The following APP variants were observed in gnomAD, a reference collection of about 807,000 sequenced individuals.
APP encodes the protein amyloid beta precursor protein.
Under a neutral mutation model 101.4 loss-of-function variants are expected in APP, and 31 were observed. That is an observed-to-expected ratio of 0.31 (90% CI 0.23 to 0.41). APP has a LOEUF of 0.41. Among genes scored for constraint, APP ranks in the 10% least tolerant of loss-of-function variants. APP has a pLI of 1.00. For missense variants in APP, 839 were observed against 1,003.7 expected (o/e 0.84, Z 2.22); for synonymous variants, 366 against 364.4 (o/e 1.00, Z -0.05).
In APP at chr21:26,129,320, A is replaced by T. The variant is rs374512790; in HGVS notation, c.58-17174T>A. Among the ~76,000 whole-genome samples the T allele has an allele frequency of 4.4e-4, 67 of 152,084 alleles. No homozygotes were observed. In the South Asian group the frequency reaches 0.013, roughly 30 times the overall value. ...ACCCCGTCTCTACTAAAAATACAAAAATTAGCCATGCGTGGTGGCAGCTGC... is the reference window on the plus strand; with the variant it reads ...ACCCCGTCTCTACTAAAAATACAAATATTAGCCATGCGTGGTGGCAGCTGC... On this transcript the variant is annotated intron_variant, in intron 1 of 17. Coordinates refer to ENST00000346798, the MANE Select transcript of APP (RefSeq NM_000484.4).
chr21:25,987,997 A>C (rs1300491107), intron 8 of APP, among the ~76,000 whole-genome samples: 6 of 152,228 alleles, frequency 3.9e-5, no homozygotes, highest in Non-Finnish European at 8.8e-5. Context: ...GGAAAAAGAA[A>C]AACAGAGCAG....
At chr21:26,041,219 A>AT (rs990636126) in intron 5 of APP, among the ~76,000 whole-genome samples, 7 of 152,350 alleles carry the variant, frequency 4.6e-5, no homozygotes, top group Admixed American at 1.3e-4. Context: ...ATATGCTAAT[A>AT]TGTAGATTTT....
chr21:26,113,065 A>C (rs917734012), intron 1 of APP, among the ~76,000 whole-genome samples: 2 of 152,156 alleles, frequency 1.3e-5, no homozygotes, highest in Non-Finnish European at 2.9e-5. Context: ...CTCAAAAAGA[A>C]AAAAAAATTC....
At chr21:25,958,587 C>A (rs1334386305) in intron 11 of APP, among the ~76,000 whole-genome samples, 1 of 151,902 alleles carries the variant, frequency 6.6e-6, no homozygotes, top group Non-Finnish European at 1.5e-5. Context: ...ATTAATTATT[C>A]ATGTTAACAT....
chr21:25,882,322 G>T (rs942759701), intron 17 of APP, among the ~76,000 whole-genome samples: 2 of 150,196 alleles, frequency 1.3e-5, no homozygotes, highest in Admixed American at 1.3e-4. Flanking sequence ...AGAGGTTTGA[G>T]AATCAATTAA....
chr21:26,052,537 G>C (rs1182119466), intron 4 of APP, among the ~76,000 whole-genome samples: 1 of 152,240 alleles, frequency 6.6e-6, no homozygotes, highest in Non-Finnish European at 1.5e-5. Context: ...TTACCACACA[G>C]TGACCTTTTC....
At chr21:26,040,294 T>C (rs1254858979) in intron 5 of APP, among the ~76,000 whole-genome samples, 1 of 152,112 alleles carries the variant, frequency 6.6e-6, no homozygotes, top group African/African-American at 2.4e-5. Flanking sequence ...ATAAACCGCA[T>C]TTCTTTAAAA....
At chr21:26,150,514 T>C (rs2063244137) in intron 1 of APP, among the ~76,000 whole-genome samples, 1 of 152,204 alleles carries the variant, frequency 6.6e-6, no homozygotes, top group Non-Finnish European at 1.5e-5. Flanking sequence ...CCTTCCAGAC[T>C]GTGTCTCTAT....
chr21:25,998,392 A>G lies in APP; in HGVS notation c.1034-976T>C, dbSNP rs74544986. Among the ~76,000 whole-genome samples, 47 of 95,818 alleles carry G rather than the reference A, an allele frequency of 4.9e-4. 1 individual carries two copies. In the South Asian group the frequency reaches 0.016, roughly 32 times the overall value. 62.9% of individuals were successfully genotyped at this position (95,818 alleles called of 152,430 possible). Reference sequence around the variant, plus strand: ...CTGCAATCATCCAATCAGAGCCAGAAAAAAAAAAAAAAAAAGCCCTTGAGG... The same window carrying G: ...CTGCAATCATCCAATCAGAGCCAGAGAAAAAAAAAAAAAAAGCCCTTGAGG... On this transcript the variant is annotated intron_variant, in intron 7 of 17. Coordinates refer to ENST00000346798, the MANE Select transcript of APP (RefSeq NM_000484.4).
intron 5 of APP, among the ~76,000 whole-genome samples, chr21:26,022,266 C>T (rs1287082712): frequency 6.6e-6 from 1 of 152,102 alleles, no homozygotes; most frequent in Admixed American, 6.5e-5. Flanking sequence ...TGCCATGAGT[C>T]TAACCACAGG....
intron 13 of APP, among the ~76,000 whole-genome samples, chr21:25,933,633 T>G (rs997085514): frequency 1.3e-5 from 2 of 152,202 alleles, no homozygotes; most frequent in Non-Finnish European, 2.9e-5. Flanking sequence ...ATGATTCACA[T>G]TATAGAGCAT....
At chr21:26,058,813 G>A (rs889004005) in intron 3 of APP, among the ~76,000 whole-genome samples, 5 of 152,174 alleles carry the variant, frequency 3.3e-5, no homozygotes, top group Admixed American at 3.3e-4. Flanking sequence ...CGGGCGCGGT[G>A]GCTCACGCCT....
Position 25,911,811 on chromosome 21 carries a change from G to A in APP, c.1839C>T (p.Phe613=). ...TVELLPVNGE[F]SLDDLQPWHS... Reference sequence around the variant, plus strand: ...GCCACGGCTGGAGATCGTCCAGGCTGAACTCTCCATTCACGGGAAGGAGCT... The same window carrying A: ...GCCACGGCTGGAGATCGTCCAGGCTAAACTCTCCATTCACGGGAAGGAGCT... Residue 613 remains phenylalanine (F), a synonymous_variant, in exon 14 of 18, where the codon TTC becomes TTT. Coordinates refer to ENST00000346798, the MANE Select transcript of APP (RefSeq NM_000484.4). 1.2e-6 allele frequency: 2 copies of A among 1,614,150 alleles called. No individual in the cohort carries two copies. Among genetic ancestry groups the A allele is most frequent in the Non-Finnish European group, 1.7e-6 (2 of 1,180,042 alleles).
At chr21:26,109,166 A>T (rs2062253587) in intron 2 of APP, among the ~76,000 whole-genome samples, 1 of 152,200 alleles carries the variant, frequency 6.6e-6, no homozygotes, top group Non-Finnish European at 1.5e-5. Context: ...GTGGCCACCA[A>T]CAATCTGGTA....
intron 16 of APP, among the ~76,000 whole-genome samples, chr21:25,895,434 G>A (rs915500289): frequency 2.6e-5 from 4 of 152,106 alleles, no homozygotes; most frequent in African/African-American, 9.7e-5. Context: ...AAAGTGCTGG[G>A]ATTACAGGCA....
intron 5 of APP, among the ~76,000 whole-genome samples, chr21:26,035,816 G>C (rs1359665652): frequency 6.6e-6 from 1 of 152,136 alleles, no homozygotes; most frequent in East Asian, 1.9e-4. Flanking sequence ...AGAAACAATG[G>C]GAGTTTAGAT....
At chr21:26,004,533 C>T (rs2146698100) in intron 6 of APP, among the ~76,000 whole-genome samples, 1 of 152,156 alleles carries the variant, frequency 6.6e-6, no homozygotes, top group South Asian at 2.1e-4. Context: ...ACCTCATGAT[C>T]CGCCTGCCTT....
chr21:26,031,536 G>A (rs923036121), intron 5 of APP, among the ~76,000 whole-genome samples: 5 of 152,130 alleles, frequency 3.3e-5, no homozygotes, highest in African/African-American at 1.2e-4. Context: ...GGAGGTGAAA[G>A]GCATTTCTTA....
chr21:26,140,380 C>A lies in APP; in HGVS notation c.58-28234G>T, dbSNP rs2146306639. The stretch of plus-strand genomic sequence containing the variant: ...CCAACTTCTACCACGCACAGCAAGG[C>A]TGTGCTATTTAGGCGTGGATCACAC... On this transcript the variant is annotated intron_variant, in intron 1 of 17. Coordinates refer to ENST00000346798, the MANE Select transcript of APP (RefSeq NM_000484.4). 2.0e-5 allele frequency: 30 copies of A among 1,470,616 alleles called. No homozygotes were observed. In the South Asian group the frequency reaches 3.9e-4, roughly 19 times the overall value. The allele number at this position is 1,470,616 out of a possible 1,614,324, so 91.1% of individuals were successfully genotyped here.
Sources: gnomAD v4.1 joint callset for allele counts (sites outside exome capture counted in the v4.1 genomes callset) on GRCh38, gnomAD v4.1.1 for gene constraint, MANE v1.5 for transcripts, NCBI Gene and HGNC (gene_info 2026-07-23, HGNC 2026-07-21) for gene names.